The following ROBO2 variants were observed in gnomAD, a reference collection of about 807,000 sequenced individuals.
ROBO2 encodes the protein roundabout guidance receptor 2.
A neutral mutation model predicts 160.8 loss-of-function variants in ROBO2; 53 were observed. The observed-to-expected ratio is 0.33, with a 90% CI of 0.26 to 0.41. The LOEUF (loss-of-function observed/expected upper bound fraction) is 0.41, where lower values mean the gene tolerates loss of function less well. ROBO2 is among the 10% of genes least tolerant of loss of function. The pLI is 1.00. For synonymous variants in ROBO2, 664 were observed against 611.7 expected (o/e 1.09, Z -1.26); for missense variants, 1,577 against 1,722.4 (o/e 0.92, Z 1.49).
At chr3:76,571,584 A>G (rs1035558956) in intron 2 of ROBO2, among the ~76,000 whole-genome samples, 1 of 152,170 alleles carries the variant, frequency 6.6e-6, no homozygotes, top group Non-Finnish European at 1.5e-5. Context: ...GACAAAGAAC[A>G]ATATAATTCA....
intron 2 of ROBO2, among the ~76,000 whole-genome samples, chr3:76,005,073 C>G (rs967710847): frequency 6.6e-6 from 1 of 152,144 alleles, no homozygotes; most frequent in Non-Finnish European, 1.5e-5. Flanking sequence ...TGAGATGGCA[C>G]AGAAAGAAGG....
At chr3:77,366,596 G>A (rs1042126962) in intron 2 of ROBO2, among the ~76,000 whole-genome samples, 1 of 152,144 alleles carries the variant, frequency 6.6e-6, no homozygotes, top group African/African-American at 2.4e-5. Context: ...GTATGCCTGA[G>A]GCTGAGTAAT....
chr3:77,282,960 TAA>T (rs71104670), intron 2 of ROBO2, among the ~76,000 whole-genome samples: 1 of 134,232 alleles, frequency 7.4e-6, no homozygotes, highest in Non-Finnish European at 1.5e-5. Context: ...CTTCTGCTTT[TAA>T]AAAAAAAAAA....
At chr3:76,200,942 T>C (rs370884114) in intron 2 of ROBO2, among the ~76,000 whole-genome samples, 6 of 152,194 alleles carry the variant, frequency 3.9e-5, no homozygotes, top group African/African-American at 1.4e-4. Flanking sequence ...TAAAGATTTA[T>C]TGATGTTTTT....
intron 2 of ROBO2, among the ~76,000 whole-genome samples, chr3:76,179,544 A>G (rs1701396685): frequency 6.6e-6 from 1 of 152,070 alleles, no homozygotes; most frequent in Non-Finnish European, 1.5e-5. Flanking sequence ...ACTTCCTTCA[A>G]TCATCACTGC....
intron 2 of ROBO2, among the ~76,000 whole-genome samples, chr3:76,136,913 A>G (rs1345317613): frequency 6.6e-6 from 1 of 152,062 alleles, no homozygotes; most frequent in African/African-American, 2.4e-5. Flanking sequence ...AAAGTCTGGA[A>G]TGTAGGGGGC....
intron 2 of ROBO2, among the ~76,000 whole-genome samples, chr3:76,536,689 G>A (rs2082524233): frequency 6.6e-6 from 1 of 152,130 alleles, no homozygotes; most frequent in Non-Finnish European, 1.5e-5. Flanking sequence ...AGGTGTCAGT[G>A]TGAGATTGGG....
intron 2 of ROBO2, among the ~76,000 whole-genome samples, chr3:76,979,581 A>ATG (rs2059988061): frequency 6.6e-6 from 1 of 150,840 alleles, no homozygotes; most frequent in Non-Finnish European, 1.5e-5. Context: ...ATTGGGGTGT[A>ATG]TGTGTGTGTG....
At chr3:76,341,418 G>A (rs1209221471) in intron 2 of ROBO2, among the ~76,000 whole-genome samples, 17 of 68,392 alleles carry the variant, frequency 2.5e-4, no homozygotes, top group East Asian at 8.2e-4. Context: ...TTTTTAAAGC[G>A]TAAAAAAAAA....
intron 2 of ROBO2, among the ~76,000 whole-genome samples, chr3:76,564,003 C>T (rs761456519): frequency 1.3e-5 from 2 of 152,134 alleles, no homozygotes; most frequent in Non-Finnish European, 2.9e-5. Context: ...TTCAGGAGTT[C>T]GAGACCAGCC....
intron 2 of ROBO2, among the ~76,000 whole-genome samples, chr3:76,296,099 G>C (rs1709059914): frequency 6.6e-6 from 1 of 152,092 alleles, no homozygotes; most frequent in South Asian, 2.1e-4. Context: ...TATCTGGTTG[G>C]GCACTAAATC....
chr3:77,170,672 T>A (rs1208200642), intron 2 of ROBO2, among the ~76,000 whole-genome samples: 1 of 152,162 alleles, frequency 6.6e-6, no homozygotes, highest in Admixed American at 6.5e-5. Context: ...CATTATAGAA[T>A]CGCTTAGCTT....
intron 2 of ROBO2, among the ~76,000 whole-genome samples, chr3:77,231,734 T>A (rs1359096152): frequency 6.6e-6 from 1 of 152,188 alleles, no homozygotes; most frequent in East Asian, 1.9e-4. Context: ...TCTGGAGTGT[T>A]ATTTTGTCGT....
chr3:76,229,683 A>G (rs1198635826), intron 2 of ROBO2, among the ~76,000 whole-genome samples: 1 of 152,162 alleles, frequency 6.6e-6, no homozygotes, highest in Non-Finnish European at 1.5e-5. Flanking sequence ...TGTCCTATTT[A>G]TCCTAGCTTC....
chr3:77,277,295 C>G (rs2059949095), intron 2 of ROBO2, among the ~76,000 whole-genome samples: 1 of 144,882 alleles, frequency 6.9e-6, no homozygotes, highest in African/African-American at 2.6e-5. Context: ...CATTTTTTGT[C>G]TTCAACTATT....
At chr3:76,837,785 C>T (rs1048871738) in intron 2 of ROBO2, among the ~76,000 whole-genome samples, 9 of 151,876 alleles carry the variant, frequency 5.9e-5, no homozygotes, top group Non-Finnish European at 5.9e-5. Flanking sequence ...ATTCAGGATA[C>T]GTAACATTTG....
chr3:76,991,241 G>A (rs540505364), intron 2 of ROBO2, among the ~76,000 whole-genome samples: 49 of 152,190 alleles, frequency 3.2e-4, no homozygotes, highest in African/African-American at 1.1e-3. Context: ...TTATGGATTC[G>A]CCACTGGTAA....
chr3:76,972,655 G>C (rs2059628258), intron 2 of ROBO2, among the ~76,000 whole-genome samples: 1 of 152,008 alleles, frequency 6.6e-6, no homozygotes, highest in Non-Finnish European at 1.5e-5. Flanking sequence ...CTAGGTGCTT[G>C]AGACAAGCCT....
At chr3:77,179,523 C>T (rs902643968) in intron 2 of ROBO2, among the ~76,000 whole-genome samples, 2 of 150,650 alleles carry the variant, frequency 1.3e-5, no homozygotes, top group African/African-American at 4.9e-5. Context: ...ATATTAGTAC[C>T]AGAGAAATAG....
Sources: gnomAD v4.1 joint callset for allele counts (sites outside exome capture counted in the v4.1 genomes callset) on GRCh38, gnomAD v4.1.1 for gene constraint, MANE v1.5 for transcripts, NCBI Gene and HGNC (gene_info 2026-07-23, HGNC 2026-07-21) for gene names.